The following RAD51B variants were observed in gnomAD, a reference collection of about 807,000 sequenced individuals.
The protein encoded by RAD51B is DNA repair protein RAD51 homolog 2.
RAD51B carries 38 observed loss-of-function variants against 42.2 expected under a neutral mutation model. The ratio of observed to expected loss-of-function variants is 0.90; its 90% confidence interval spans 0.70 to 1.18. The LOEUF (loss-of-function observed/expected upper bound fraction) is 1.18. Ranked by LOEUF, RAD51B falls within the 50% of genes most tolerant of loss-of-function variation. RAD51B has a pLI of 0.00. For synonymous variants in RAD51B, 154 were observed against 145.2 expected (o/e 1.06, Z -0.43); for missense variants, 373 against 400.7 (o/e 0.93, Z 0.59).
chr14:68,422,969 G>T (rs1021068257), intron 9 of RAD51B, among the ~76,000 whole-genome samples: 6 of 152,030 alleles, frequency 3.9e-5, no homozygotes, highest in African/African-American at 2.4e-5. Context: ...TTCACTGAGG[G>T]TCTCTTTCTA....
At chr14:68,518,457 G>A (rs777025564) in intron 10 of RAD51B, among the ~76,000 whole-genome samples, 4 of 152,102 alleles carry the variant, frequency 2.6e-5, no homozygotes, top group Non-Finnish European at 4.4e-5. Flanking sequence ...TCGCCTAGTC[G>A]GGGGGCGGGA....
chr14:68,668,787 A>G (rs1455884688), intron 11 of RAD51B, among the ~76,000 whole-genome samples: 1 of 152,200 alleles, frequency 6.6e-6, no homozygotes, highest in African/African-American at 2.4e-5. Flanking sequence ...ATGACCTCAG[A>G]CACCTGCTGT....
chr14:68,157,272 C>T (rs886831268), intron 7 of RAD51B, among the ~76,000 whole-genome samples: 1 of 152,130 alleles, frequency 6.6e-6, no homozygotes, highest in African/African-American at 2.4e-5. Context: ...TATTAACTTA[C>T]ACCCATAAAA....
chr14:68,400,470 A>G (rs1397702276), intron 8 of RAD51B, among the ~76,000 whole-genome samples: 1 of 152,206 alleles, frequency 6.6e-6, no homozygotes, highest in Non-Finnish European at 1.5e-5. Context: ...AGCCAGTGCC[A>G]TCTGAAACAA....
At chr14:68,056,643 G>A (rs1225005594) in intron 7 of RAD51B, among the ~76,000 whole-genome samples, 1 of 151,946 alleles carries the variant, frequency 6.6e-6, no homozygotes, top group African/African-American at 2.4e-5. Context: ...CAGCTACTCG[G>A]GAGGCTGAGG....
chr14:68,459,538 G>A (rs986172366), intron 9 of RAD51B, among the ~76,000 whole-genome samples: 7 of 152,162 alleles, frequency 4.6e-5, no homozygotes, highest in African/African-American at 1.4e-4. Context: ...CTAATTTCTC[G>A]ACAGGACCCT....
intron 7 of RAD51B, among the ~76,000 whole-genome samples, chr14:68,245,024 G>T (rs2080466501): frequency 6.6e-6 from 1 of 152,164 alleles, no homozygotes; most frequent in Non-Finnish European, 1.5e-5. Context: ...ACACTAACTA[G>T]CTCAGATGTG....
At chr14:68,435,557 TGCTAA>T (rs2140145968) in intron 9 of RAD51B, among the ~76,000 whole-genome samples, 1 of 151,868 alleles carries the variant, frequency 6.6e-6, no homozygotes, top group East Asian at 1.9e-4. Flanking sequence ...GCAATGGGAT[TGCTAA>T]GTCAAATGAT....
At chr14:68,327,788 T>A (rs1374333658) in intron 8 of RAD51B, among the ~76,000 whole-genome samples, 1 of 152,148 alleles carries the variant, frequency 6.6e-6, no homozygotes, top group Non-Finnish European at 1.5e-5. Flanking sequence ...GGAATATCTG[T>A]GACTATAAAA....
chr14:68,576,083 C>T (rs908929498), intron 10 of RAD51B, among the ~76,000 whole-genome samples: 1 of 152,126 alleles, frequency 6.6e-6, no homozygotes, highest in Non-Finnish European at 1.5e-5. Context: ...AGGTGGCCAC[C>T]TGGTGAGAGC....
At chr14:68,605,099 T>G (rs1373171204) in intron 10 of RAD51B, among the ~76,000 whole-genome samples, 1 of 152,220 alleles carries the variant, frequency 6.6e-6, no homozygotes, top group Non-Finnish European at 1.5e-5. Flanking sequence ...TGCATTAGTT[T>G]CTTATAAGGC....
intron 10 of RAD51B, among the ~76,000 whole-genome samples, chr14:68,592,135 T>G (rs935278746): frequency 6.6e-6 from 1 of 152,106 alleles, no homozygotes; most frequent in Non-Finnish European, 1.5e-5. Context: ...ATGCTTTCCA[T>G]GAATGAAAGC....
chr14:68,442,575 G>C (rs1425947139), intron 9 of RAD51B, among the ~76,000 whole-genome samples: 2 of 151,344 alleles, frequency 1.3e-5, no homozygotes, highest in Non-Finnish European at 2.9e-5. Context: ...TGAGTAGCTG[G>C]GACTACAGGT....
chr14:68,395,057 C>G (rs1279430259), intron 8 of RAD51B, among the ~76,000 whole-genome samples: 4 of 152,186 alleles, frequency 2.6e-5, no homozygotes, highest in African/African-American at 9.6e-5. Flanking sequence ...GCATCCCCCC[C>G]TTTCTTCAGG....
chr14:68,069,456 G>A (rs2076706904), intron 7 of RAD51B: 1 of 152,032 alleles, frequency 6.6e-6, no homozygotes, highest in Non-Finnish European at 1.5e-5. Flanking sequence ...CCCTTAAGTA[G>A]GTCCCAGTGT....
chr14:67,866,397 C>G (rs574610190), intron 5 of RAD51B, among the ~76,000 whole-genome samples: 1 of 152,266 alleles, frequency 6.6e-6, no homozygotes, highest in African/African-American at 2.4e-5. Flanking sequence ...AATGACTAGC[C>G]TTCGACTAAC....
At chr14:68,045,010 C>T (rs983604639) in intron 7 of RAD51B, among the ~76,000 whole-genome samples, 1 of 151,898 alleles carries the variant, frequency 6.6e-6, no homozygotes, top group Non-Finnish European at 1.5e-5. Flanking sequence ...GAGGCCAAGG[C>T]GGGTGGATCA....
chr14:67,917,670 G>T (rs891208177), intron 7 of RAD51B, among the ~76,000 whole-genome samples: 1 of 152,158 alleles, frequency 6.6e-6, no homozygotes, highest in African/African-American at 2.4e-5. Context: ...TGAGACAACA[G>T]GATTTCCTGA....
chr14:68,338,637 T>G, intron 8 of RAD51B: 1 of 315,082 alleles, frequency 3.2e-6, no homozygotes, highest in Non-Finnish European at 6.2e-6. Context: ...TCAAAGTGTA[T>G]CTTTATGCTT....
Sources: allele counts gnomAD v4.1 joint callset (sites outside exome capture counted in the v4.1 genomes callset), GRCh38; gene constraint gnomAD v4.1.1; transcripts MANE v1.5; gene names NCBI Gene and HGNC (gene_info 2026-07-23, HGNC 2026-07-21).